CCSER2: variants seen among roughly 807,000 people sequenced by gnomAD.
CCSER2 encodes serine-rich coiled-coil domain-containing protein 2.
In CCSER2, 46 loss-of-function variants were observed where a neutral mutation model predicts 92.3. The observed-to-expected ratio is 0.50, with a 90% CI of 0.39 to 0.64. The LOEUF is 0.64. CCSER2 is among the 30% of genes least tolerant of loss of function. CCSER2 has a pLI of 0.00. For synonymous variants in CCSER2, 433 were observed against 431.4 expected, an observed-to-expected ratio of 1.00 and a Z score of -0.04; for missense variants, 1,244 against 1,238.9, an observed-to-expected ratio of 1.00 and a Z score of -0.06.
chr10:84,424,387 T>A (rs1268435368), intron 4 of CCSER2, among the ~76,000 whole-genome samples: 10 of 152,162 alleles, frequency 6.6e-5, no homozygotes, highest in Non-Finnish European at 1.3e-4. Flanking sequence ...TTTTTTCACA[T>A]TATTAAATGT....
chr10:84,372,091 T>C lies in CCSER2; in HGVS notation c.1039T>C (p.Cys347Arg), dbSNP rs899559084. ...DGNKNSPADT[C>R]VEEDATVLAK... ...AAATAAAAATTCACCTGCTGACACA[T>C]GTGTAGAGGAAGATGCTACAGTTTT... Residue 347 changes from cysteine to arginine, a missense_variant, in exon 2 of 10, where the codon TGT (cysteine) becomes CGT (arginine). Cys to Arg is a radical substitution (Grantham distance 180). Coordinates refer to ENST00000372088, the MANE Select transcript of CCSER2 (RefSeq NM_001284240.2). The C allele has an allele frequency of 1.9e-6, 3 of 1,613,636 alleles. No homozygotes were observed. The highest frequency in any genetic ancestry group is 2.2e-5 in the South Asian group (2 of 91,062).
intron 1 of CCSER2, among the ~76,000 whole-genome samples, chr10:84,347,835 C>T (rs373171615): frequency 3.3e-5 from 5 of 150,576 alleles, no homozygotes; most frequent in South Asian, 2.1e-4. Flanking sequence ...TGGGCAGAGG[C>T]GCTCCTCACA....
chr10:84,450,152 A>G (rs1353678980), intron 6 of CCSER2, among the ~76,000 whole-genome samples: 2 of 152,198 alleles, frequency 1.3e-5, no homozygotes, highest in Admixed American at 1.3e-4. Context: ...TATTCTGTCC[A>G]TACCAAGGAT....
Position 84,450,250 on chromosome 10 carries a change from T to C in CCSER2, c.2064+11543T>C, listed in dbSNP as rs1437784232. On this transcript the variant is annotated intron_variant, in intron 6 of 9. Coordinates refer to ENST00000372088, the MANE Select transcript of CCSER2 (RefSeq NM_001284240.2). ...TTCGAAAACTATAGGTTAAAACCGG[T>C]TAGTGGGTCTTAAAATGAATTTTCA... 3.9e-5 allele frequency among the ~76,000 whole-genome samples: 6 copies of C among 152,182 alleles called. 1 individual carries two copies. Among genetic ancestry groups the C allele is most frequent in the Non-Finnish European group, 8.8e-5 (6 of 68,032 alleles).
chr10:84,444,189 G>A (rs1844765343), intron 6 of CCSER2, among the ~76,000 whole-genome samples: 1 of 152,142 alleles, frequency 6.6e-6, no homozygotes, highest in South Asian at 2.1e-4. Flanking sequence ...AGAAGACATA[G>A]ATAGATTTAG....
intron 9 of CCSER2, among the ~76,000 whole-genome samples, chr10:84,496,020 A>T (rs1848430750): frequency 6.7e-6 from 1 of 149,564 alleles, no homozygotes; most frequent in East Asian, 1.9e-4. Context: ...TTTTTTAATA[A>T]TTCTATTTTT....
rs1338372054 is a variant in CCSER2 at position 84,417,796 on chromosome 10, G to T, written c.1640G>T (p.Cys547Phe). Residue 547 changes from cysteine (C) to phenylalanine (F), a missense_variant, in exon 4 of 10, where the codon TGT becomes TTT. Coordinates refer to ENST00000372088, the MANE Select transcript of CCSER2 (RefSeq NM_001284240.2). ...GATATTTTGAATAATCTTGAATCATGTGACCTTGAGGATGATGATCTTATG... is the reference window on the plus strand; with the variant it reads ...GATATTTTGAATAATCTTGAATCATTTGACCTTGAGGATGATGATCTTATG... The part of the protein sequence containing the change: ...SIDILNNLES[C>F]DLEDDDLMLD... 3 of 1,585,172 alleles carry T rather than the reference G, an allele frequency of 1.9e-6. No individual in the cohort carries two copies. The South Asian group carries it at 3.3e-5, about 18-fold the overall frequency.
At chr10:84,418,700 G>A (rs770909866) in intron 4 of CCSER2, among the ~76,000 whole-genome samples, 2 of 152,202 alleles carry the variant, frequency 1.3e-5, no homozygotes, top group Non-Finnish European at 2.9e-5. Context: ...TGGGGTGTTA[G>A]TAGCCTGCTT....
At chr10:84,411,129 A>G (rs187479703) in intron 3 of CCSER2, among the ~76,000 whole-genome samples, 8 of 152,224 alleles carry the variant, frequency 5.3e-5, no homozygotes, top group Admixed American at 3.3e-4. Context: ...CTATGTATCT[A>G]TTCTTATACC....
At chr10:84,389,185 C>T (rs1472384550) in intron 3 of CCSER2, 3 of 322,850 alleles carry the variant, frequency 9.3e-6, no homozygotes, top group East Asian at 8.8e-5. Flanking sequence ...GCCATTCTAC[C>T]GCACCACTGT....
chr10:84,446,259 C>T (rs1383621193), intron 6 of CCSER2, among the ~76,000 whole-genome samples: 1 of 152,100 alleles, frequency 6.6e-6, no homozygotes, highest in Non-Finnish European at 1.5e-5. Flanking sequence ...CTTCAGGATG[C>T]TTGTTTTGGG....
chr10:84,418,785 T>A (rs1440459774), intron 4 of CCSER2, among the ~76,000 whole-genome samples: 1 of 152,192 alleles, frequency 6.6e-6, no homozygotes, highest in African/African-American at 2.4e-5. Context: ...CTGTATGGCA[T>A]TCTCAAAATC....
At position 84,477,579 on chromosome 10, in the gene CCSER2, C is replaced by T. The variant is rs778171345; in HGVS notation, c.2240C>T (p.Thr747Ile). 6.2e-7 allele frequency: 1 copy of T among 1,603,970 alleles called. No homozygotes were observed. Among genetic ancestry groups the T allele is most frequent in the Admixed American group, 1.7e-5 (1 of 59,748 alleles). Residue 747 changes from threonine (T) to isoleucine (I), a missense_variant, in exon 9 of 10, where the codon ACT becomes ATT. Coordinates refer to ENST00000372088, the MANE Select transcript of CCSER2 (RefSeq NM_001284240.2). Reference protein sequence around the residue: ...KIQLLELQLATQHICHQKCKE... With the variant: ...KIQLLELQLAIQHICHQKCKE... ...AAATTTTGTGTTTTTGTTTAGGCAA[C>T]TCAGCATATCTGCCACCAAAAATGT...
intron 1 of CCSER2, among the ~76,000 whole-genome samples, chr10:84,353,315 TAGC>T (rs1564590563): frequency 6.6e-6 from 1 of 152,106 alleles, no homozygotes; most frequent in African/African-American, 2.4e-5. Context: ...TCTCTTGAGA[TAGC>T]AGCCCGAGCC....
intron 6 of CCSER2, among the ~76,000 whole-genome samples, chr10:84,449,099 G>A (rs138438870): frequency 1.2e-3 from 180 of 152,324 alleles, no homozygotes; most frequent in African/African-American, 4.2e-3. Context: ...ATCAGGCCAG[G>A]CGCGGTGGCC....
At chr10:84,449,176 A>G (rs370108773) in intron 6 of CCSER2, among the ~76,000 whole-genome samples, 15 of 152,114 alleles carry the variant, frequency 9.9e-5, no homozygotes, top group East Asian at 3.9e-4. Context: ...GGAGTTCAAG[A>G]CCAGCCTGGC....
intron 3 of CCSER2, among the ~76,000 whole-genome samples, chr10:84,397,421 G>A (rs1841903128): frequency 6.6e-6 from 1 of 152,158 alleles, no homozygotes; most frequent in Non-Finnish European, 1.5e-5. Flanking sequence ...ACTGATGGAT[G>A]CACTGTAACT....
intron 4 of CCSER2, chr10:84,425,313 C>T (rs1843371050): frequency 4.1e-6 from 1 of 243,474 alleles, no homozygotes; most frequent in Non-Finnish European, 6.6e-6. Flanking sequence ...TTGTAGCAGT[C>T]CTTTATAGGA....
chr10:84,372,216 A>C lies in CCSER2; in HGVS notation c.1164A>C (p.Arg388Ser). The C allele has an allele frequency of 2.5e-6, 4 of 1,613,592 alleles. No homozygotes were observed. Among genetic ancestry groups the C allele is most frequent in the Non-Finnish European group, 3.4e-6 (4 of 1,179,714 alleles). Residue 388 changes from arginine (R) to serine (S), a missense_variant, in exon 2 of 10, where the codon AGA becomes AGC. By Grantham distance (110) the Arg-to-Ser change is moderately radical. Transcript: ENST00000372088. Reference protein sequence around the residue: ...NQTMKHDAKMRYLSDDVDDIS... With the variant: ...NQTMKHDAKMSYLSDDVDDIS... ...CCATGAAACATGATGCTAAAATGAG[A>C]TACCTGAGTGATGATGTGGATGACA... is the stretch of plus-strand genomic sequence containing the variant.
Sources: gnomAD v4.1 joint callset for allele counts (sites outside exome capture counted in the v4.1 genomes callset) on GRCh38, gnomAD v4.1.1 for gene constraint, MANE v1.5 for transcripts, NCBI Gene and HGNC (gene_info 2026-07-23, HGNC 2026-07-21) for gene names.